The following BPHL variants were observed in gnomAD, a reference collection of about 807,000 sequenced individuals.
BPHL encodes the protein serine hydrolase BPHL.
In BPHL, 27 loss-of-function variants were observed where a neutral mutation model predicts 31.2. The ratio of observed to expected loss-of-function variants is 0.87; its 90% confidence interval spans 0.64 to 1.19. The LOEUF is 1.19. Ranked by LOEUF, BPHL falls within the 50% of genes most tolerant of loss-of-function variation. The pLI is 0.00. For missense variants in BPHL, 356 were observed against 375.7 expected, an observed-to-expected ratio of 0.95 and a Z score of 0.43; for synonymous variants, 150 against 146.8, an observed-to-expected ratio of 1.02 and a Z score of -0.16.
chr6:3,121,149 ATAAG>A lies in BPHL; in HGVS notation c.107+2303_107+2306del, dbSNP rs369930225. Reference sequence around the variant, plus strand: ...GAATATTTATATAATAGTACAATATATAAGAGATGTAAAAATAATTCATCAAGAT... The same window carrying A: ...GAATATTTATATAATAGTACAATATAAGATGTAAAAATAATTCATCAAGAT... On this transcript the variant is annotated intron_variant, in intron 1 of 6. Transcript: ENST00000380379. Among the ~76,000 whole-genome samples the A allele has an allele frequency of 1.5e-4, 23 of 152,366 alleles. No homozygotes were observed. The East Asian group carries it at 3.7e-3, about 24-fold the overall frequency.
rs1403230120 is a variant in BPHL, at chr6:3,153,548, T to C, written c.*973T>C. ...TAAAGCAGAAATCCTACATTGCTATTAAAATTAAACTTTGATTACCACAAT... is the reference window on the plus strand; with the variant it reads ...TAAAGCAGAAATCCTACATTGCTATCAAAATTAAACTTTGATTACCACAAT... On this transcript the variant is annotated 3_prime_UTR_variant, in exon 7 of 7. Transcript: ENST00000380379. 8.4e-6 allele frequency: 4 copies of C among 475,238 alleles called. No homozygotes were observed. Among genetic ancestry groups the C allele is most frequent in the Non-Finnish European group, 3.7e-6 (1 of 267,544 alleles). The allele number at this position is 475,238 out of a possible 1,614,324, so 29.4% of individuals were successfully genotyped here.
In BPHL at chr6:3,153,056, TAAAAA is replaced by T. The variant is rs1219470610; in HGVS notation, c.*483_*487del. On this transcript the variant is annotated 3_prime_UTR_variant, in exon 7 of 7. Transcript: ENST00000380379. ...AAAAAAATAAAAACATAAAAAAAAATAAAAAAGGAATAAAGCCTCTAACTTCAATA... is the reference window on the plus strand; with the variant it reads ...AAAAAAATAAAAACATAAAAAAAAATAGGAATAAAGCCTCTAACTTCAATA... 1 of 151,678 alleles carries T rather than the reference TAAAAA, an allele frequency of 6.6e-6. No individual in the cohort carries two copies. The highest frequency in any genetic ancestry group is 2.4e-5 in the African/African-American group (1 of 41,256). 9.4% of individuals were successfully genotyped at this position (151,678 alleles called of 1,614,324 possible). A position where few individuals can be genotyped will look rare whatever the true frequency, so the allele number is the denominator to read the frequency against.
chr6:3,143,829 C>A (rs9392463), intron 6 of BPHL, among the ~76,000 whole-genome samples: 3 of 152,246 alleles, frequency 2.0e-5, no homozygotes, highest in South Asian at 2.1e-4. Flanking sequence ...GGAGGTGCTC[C>A]GATCTCAGGA....
In BPHL at chr6:3,131,663, C is replaced by A. The variant is rs547194799; in HGVS notation, c.532+2465C>A. Among the ~76,000 whole-genome samples the A allele has an allele frequency of 6.6e-5, 10 of 152,296 alleles. No homozygotes were observed. The East Asian group carries it at 1.9e-3, about 29-fold the overall frequency. ...TGGCTGGCCCCTCCTGCCAGCCCCT[C>A]CCCGGACATTCTCCCATCTCCCCTT... On this transcript the variant is annotated intron_variant, in intron 4 of 6. Transcript: ENST00000380379.
At chr6:3,126,834 A>C (rs918560397) in intron 2 of BPHL, 7 of 148,588 alleles carry the variant, frequency 4.7e-5, no homozygotes, top group Admixed American at 4.1e-4. Flanking sequence ...GCTCACTGCA[A>C]CCTCCGCCTC....
intron 2 of BPHL, among the ~76,000 whole-genome samples, chr6:3,124,570 A>G (rs1003440581): frequency 2.0e-5 from 3 of 149,462 alleles, no homozygotes; most frequent in Non-Finnish European, 4.4e-5. Context: ...GTTCTCCTGT[A>G]TACTTTAAGT....
intron 4 of BPHL, among the ~76,000 whole-genome samples, chr6:3,134,847 CT>C (rs1400823286): frequency 1.3e-5 from 2 of 152,096 alleles, no homozygotes; most frequent in African/African-American, 4.8e-5. Flanking sequence ...CGTGATCCGC[CT>C]GCCTCGGCCT....
intron 1 of BPHL, chr6:3,119,490 T>A (rs531533102): frequency 6.2e-7 from 1 of 1,614,006 alleles, no homozygotes; most frequent in Non-Finnish European, 8.5e-7. Flanking sequence ...TCTTTTGTCC[T>A]CCCACCTGTC....
At chr6:3,130,574 C>G (rs1475235868) in intron 4 of BPHL, among the ~76,000 whole-genome samples, 1 of 152,172 alleles carries the variant, frequency 6.6e-6, no homozygotes, top group Admixed American at 6.5e-5. Flanking sequence ...AGATGGCCTG[C>G]CCCAGACACT....
At chr6:3,136,928 G>A (rs1473885074) in intron 4 of BPHL, among the ~76,000 whole-genome samples, 1 of 152,156 alleles carries the variant, frequency 6.6e-6, no homozygotes, top group East Asian at 1.9e-4. Flanking sequence ...CAAATGCAAT[G>A]CAGAAAAAAA....
At chr6:3,120,749 A>C (rs1290517676) in intron 1 of BPHL, among the ~76,000 whole-genome samples, 1 of 152,262 alleles carries the variant, frequency 6.6e-6, no homozygotes, top group Non-Finnish European at 1.5e-5. Flanking sequence ...TATTATGTGC[A>C]GTTATAAATA....
intron 1 of BPHL, among the ~76,000 whole-genome samples, chr6:3,120,274 A>T (rs1761530250): frequency 6.6e-6 from 1 of 151,992 alleles, no homozygotes; most frequent in Non-Finnish European, 1.5e-5. Flanking sequence ...ACCTCAAATG[A>T]TCCACCTGCC....
chr6:3,143,235 A>G (rs1762227555), intron 6 of BPHL, among the ~76,000 whole-genome samples: 1 of 152,042 alleles, frequency 6.6e-6, no homozygotes, highest in African/African-American at 2.4e-5. Context: ...CAAACAAACA[A>G]ACAAAAAAAC....
intron 3 of BPHL, among the ~76,000 whole-genome samples, chr6:3,128,665 C>T (rs1761783203): frequency 1.3e-5 from 2 of 152,258 alleles, no homozygotes; most frequent in African/African-American, 4.8e-5. Context: ...CCTCTCTGAT[C>T]TACAGAACTG....
intron 1 of BPHL, among the ~76,000 whole-genome samples, chr6:3,121,958 C>CT (rs1204876890): frequency 2.6e-5 from 4 of 152,066 alleles, no homozygotes; most frequent in Non-Finnish European, 4.4e-5. Context: ...TTCAGTTATC[C>CT]TTTGACTAAG....
At chr6:3,123,464 A>T (rs1442044914) in intron 1 of BPHL, among the ~76,000 whole-genome samples, 193 bp from the exon 2 acceptor site, 3 of 152,194 alleles carry the variant, frequency 2.0e-5, no homozygotes, top group Non-Finnish European at 4.4e-5. Flanking sequence ...AACATTTATC[A>T]TGTCTTTGTG....
chr6:3,131,655 C>T (rs1761872446), intron 4 of BPHL, among the ~76,000 whole-genome samples: 3 of 152,318 alleles, frequency 2.0e-5, no homozygotes, highest in East Asian at 1.9e-4. Flanking sequence ...CCCCTCCTGC[C>T]AGCCCCTCCC....
chr6:3,133,193 C>T (rs1014388667), intron 4 of BPHL, among the ~76,000 whole-genome samples: 6 of 152,104 alleles, frequency 3.9e-5, no homozygotes, highest in Non-Finnish European at 7.4e-5. Context: ...GGAAACCTTC[C>T]AGACCACATC....
intron 2 of BPHL, 140 bp from the exon 3 acceptor site, chr6:3,127,102 A>G: frequency 1.9e-6 from 1 of 534,002 alleles, no homozygotes; most frequent in Non-Finnish European, 3.2e-6. Flanking sequence ...AAGTCATTGC[A>G]AGGCTGCTTT....
Sources: gnomAD v4.1 joint callset for allele counts (sites outside exome capture counted in the v4.1 genomes callset) on GRCh38, gnomAD v4.1.1 for gene constraint, MANE v1.5 for transcripts, NCBI Gene and HGNC (gene_info 2026-07-23, HGNC 2026-07-21) for gene names.